The following RRP1B variants were observed in gnomAD, a reference collection of about 807,000 sequenced individuals.
RRP1B encodes the protein ribosomal RNA processing 1B, also known as ribosomal RNA processing protein 1 homolog B.
In RRP1B, 56 loss-of-function variants were observed where a neutral mutation model predicts 80.2. The ratio of observed to expected loss-of-function variants is 0.70; its 90% CI spans 0.56 to 0.87. The LOEUF (loss-of-function observed/expected upper bound fraction) is 0.87, where lower values mean the gene tolerates loss of function less well. Among genes scored for constraint, RRP1B ranks in the 40% least tolerant of loss-of-function variants. RRP1B has a pLI of 0.00. For synonymous variants in RRP1B, 351 were observed against 357.6 expected (o/e 0.98, Z 0.21); for missense variants, 807 against 939.8 (o/e 0.86, Z 1.85).
rs774275902 is a variant in RRP1B, at chr21:43,687,880, G to A, written c.1506G>A (p.Pro502=). 27 of 1,613,168 alleles carry A rather than the reference G, an allele frequency of 1.7e-5. No individual in the cohort carries two copies. In the African/African-American group the frequency reaches 1.9e-4, roughly 11 times the overall value. The stretch of plus-strand genomic sequence containing the variant: ...CAGAGGACATGTCTCAGAGTGGCCC[G>A]AGTGGCAGTCATCCTCAGGGACCTA... ...LPPEDMSQSG[P]SGSHPQGPRG... is the part of the protein sequence containing the mutation. Residue 502 remains proline, a synonymous_variant, in exon 13 of 16, where the codon CCG becomes CCA. Coordinates refer to ENST00000340648, the MANE Select transcript of RRP1B (RefSeq NM_015056.3).
chr21:43,666,845 C>T lies in RRP1B; in HGVS notation c.131-3039C>T, dbSNP rs376022708. Among the ~76,000 whole-genome samples, 4 of 152,120 alleles carry T rather than the reference C, an allele frequency of 2.6e-5. No individual in the cohort carries two copies. In the East Asian group the frequency reaches 5.8e-4, roughly 22 times the overall value. Reference sequence around the variant, plus strand: ...CATTTGGTTAATATGTCTGCCAAGACGCTCTTAAAATCTAACAGTTCTTAC... The same window carrying T: ...CATTTGGTTAATATGTCTGCCAAGATGCTCTTAAAATCTAACAGTTCTTAC... On this transcript the variant is annotated intron_variant, in intron 1 of 15. Coordinates refer to ENST00000340648, the MANE Select transcript of RRP1B (RefSeq NM_015056.3).
At chr21:43,676,425 A>G in intron 7 of RRP1B, 89 bp downstream of exon 7, 1 of 992,886 alleles carries the variant, frequency 1.0e-6, no homozygotes, top group East Asian at 2.4e-5. Flanking sequence ...CAGGGTACCC[A>G]GGACACTGCT....
chr21:43,662,875 T>C (rs1297629400), intron 1 of RRP1B, among the ~76,000 whole-genome samples: 1 of 152,246 alleles, frequency 6.6e-6, no homozygotes, highest in Non-Finnish European at 1.5e-5. Context: ...TCTTATCAGT[T>C]CTGCAACTTT....
In RRP1B at chr21:43,691,956, C is replaced by A. The variant is rs147556617; in HGVS notation, c.2083+454C>A. ...GCCACCGAGCCCGGCCCCTCACTGC[C>A]CATTTCTGAGTCAGAAGGAAGCACC... On this transcript the variant is annotated intron_variant, in intron 15 of 15. Coordinates refer to ENST00000340648, the MANE Select transcript of RRP1B (RefSeq NM_015056.3). The surrounding 1 kb of genome is among the most constrained non-coding windows in gnomAD (Gnocchi z 4.2). Among the ~76,000 whole-genome samples, 135 of 152,204 alleles carry A rather than the reference C, an allele frequency of 8.9e-4. No individual in the cohort carries two copies. The highest frequency in any genetic ancestry group is 3.1e-3 in the African/African-American group (128 of 41,542).
In RRP1B at chr21:43,691,572, T is replaced by C; in HGVS notation, c.2083+70T>C. The C allele has an allele frequency of 1.4e-6, 2 of 1,414,702 alleles. No homozygotes were observed. The highest frequency in any genetic ancestry group is 2.3e-5 in the East Asian group (1 of 43,894). 87.6% of individuals were successfully genotyped at this position (1,414,702 alleles called of 1,614,324 possible). Reference sequence around the variant, plus strand: ...GCAGCTCCTGGCGCGGCTCGCAGCCTGGTTCCACAAGGCGGTCGGGGAAGA... The same window carrying C: ...GCAGCTCCTGGCGCGGCTCGCAGCCCGGTTCCACAAGGCGGTCGGGGAAGA... On this transcript the variant is annotated intron_variant, in intron 15 of 15. Coordinates refer to ENST00000340648, the MANE Select transcript of RRP1B (RefSeq NM_015056.3). The surrounding 1 kb of genome is among the most constrained non-coding windows in gnomAD (Gnocchi z 4.2).
chr21:43,688,297 G>A (rs1255915311), intron 13 of RRP1B, 57 bp downstream of exon 13: 1 of 1,469,800 alleles, frequency 6.8e-7, no homozygotes, highest in South Asian at 1.4e-5. Flanking sequence ...TCGCGTCCAT[G>A]GGGCTCCACT....
At chr21:43,663,622 A>G (rs1046412474) in intron 1 of RRP1B, among the ~76,000 whole-genome samples, 7 of 152,062 alleles carry the variant, frequency 4.6e-5, no homozygotes, top group African/African-American at 1.5e-4. Context: ...CAGTGGCACA[A>G]TCTCGGCTCA....
chr21:43,670,406 T>G (rs1423167033), intron 2 of RRP1B, among the ~76,000 whole-genome samples: 1 of 152,232 alleles, frequency 6.6e-6, no homozygotes, highest in Non-Finnish European at 1.5e-5. Flanking sequence ...GCCTCCCTGT[T>G]AAAGCCGAGT....
At chr21:43,688,805 T>A (rs769873508) in intron 13 of RRP1B, among the ~76,000 whole-genome samples, 1 of 152,218 alleles carries the variant, frequency 6.6e-6, no homozygotes, top group African/African-American at 2.4e-5. Context: ...AAGCTGTTGA[T>A]CTGGTCTTGG....
chr21:43,689,570 G>A (rs1030239769), intron 13 of RRP1B, among the ~76,000 whole-genome samples: 7 of 152,184 alleles, frequency 4.6e-5, no homozygotes, highest in Non-Finnish European at 8.8e-5. Context: ...CCCTCACTAA[G>A]AGGGCCAGAG....
chr21:43,672,381 T>A lies in RRP1B; in HGVS notation c.271+16T>A. On this transcript the variant is annotated intron_variant, in intron 3 of 15. Coordinates refer to ENST00000340648, the MANE Select transcript of RRP1B (RefSeq NM_015056.3). ...TCAGCGGCTCGTAAGTCCTGTTGTT[T>A]CTTCTCCTTCCTTCCAAGTTTTCCG... 6.2e-7 allele frequency: 1 copy of A among 1,609,140 alleles called. No individual in the cohort carries two copies. Among genetic ancestry groups the A allele is most frequent in the Non-Finnish European group, 8.5e-7 (1 of 1,175,414 alleles).
chr21:43,677,144 GT>G (rs2083026183), intron 8 of RRP1B, among the ~76,000 whole-genome samples: 1 of 152,124 alleles, frequency 6.6e-6, no homozygotes. Context: ...ACACATTTCT[GT>G]ACCTCTCAGG....
intron 13 of RRP1B, among the ~76,000 whole-genome samples, chr21:43,689,448 G>A (rs1206011451): frequency 1.3e-5 from 2 of 152,200 alleles, no homozygotes; most frequent in East Asian, 1.9e-4. Context: ...GGGCAGCAGT[G>A]CACTGAGCTG....
At chr21:43,688,348 T>C (rs1241132061) in intron 13 of RRP1B, 108 bp downstream of exon 13, 1 of 1,322,354 alleles carries the variant, frequency 7.6e-7, no homozygotes, top group Non-Finnish European at 1.0e-6. Context: ...GCCAGGCCTC[T>C]GGACTCAGCA....
chr21:43,676,081 G>A (rs1177242146), intron 6 of RRP1B, among the ~76,000 whole-genome samples, 191 bp from the exon 7 acceptor site: 2 of 152,048 alleles, frequency 1.3e-5, no homozygotes, highest in African/African-American at 2.4e-5. Flanking sequence ...CCAAGTAGCT[G>A]GAGGGCGGCC....
chr21:43,695,949 T>G lies in RRP1B; in HGVS notation c.*2566T>G, dbSNP rs1269022546. On this transcript the variant is annotated 3_prime_UTR_variant, in exon 16 of 16. Transcript: ENST00000340648. ...CGAGCTGTCTTTTAACTTTTGTATG[T>G]GTTTTATCAGAATTTGCTGGACTAT... 4 of 152,222 alleles carry G rather than the reference T, an allele frequency of 2.6e-5. No individual in the cohort carries two copies. The highest frequency in any genetic ancestry group is 9.6e-5 in the African/African-American group (4 of 41,452). 9.4% of individuals were successfully genotyped at this position (152,222 alleles called of 1,614,324 possible). A position where few individuals can be genotyped will look rare whatever the true frequency, so the allele number is the denominator to read the frequency against.
At chr21:43,688,682 G>C (rs2083074384) in intron 13 of RRP1B, among the ~76,000 whole-genome samples, 1 of 152,032 alleles carries the variant, frequency 6.6e-6, no homozygotes, top group Non-Finnish European at 1.5e-5. Context: ...TCTTTTCTTA[G>C]CTTCCCCCCT....
chr21:43,667,190 A>G (rs1039966985), intron 1 of RRP1B, among the ~76,000 whole-genome samples: 1 of 152,126 alleles, frequency 6.6e-6, no homozygotes, highest in Non-Finnish European at 1.5e-5. Context: ...ATGGTCTGAC[A>G]CATCCACTTT....
At chr21:43,673,527 G>A (rs902805990) in intron 3 of RRP1B, among the ~76,000 whole-genome samples, 8 of 151,484 alleles carry the variant, frequency 5.3e-5, no homozygotes, top group Non-Finnish European at 8.8e-5. Flanking sequence ...CCAGCTACTC[G>A]GGAGGCTGAG....
Sources: gnomAD v4.1 joint callset for allele counts (sites outside exome capture counted in the v4.1 genomes callset) on GRCh38, gnomAD v4.1.1 for gene constraint, Gnocchi (gnomAD v3.1) non-coding constraint, MANE v1.5 for transcripts, NCBI Gene and HGNC (gene_info 2026-07-23, HGNC 2026-07-21) for gene names.